Variants in PCDHB15 observed in about 807,000 individuals in gnomAD.
PCDHB15 encodes protocadherin beta-15.
For missense variants in PCDHB15, 1,032 were observed against 991.7 expected (o/e 1.04, Z -0.55); for synonymous variants, 492 against 447.9 (o/e 1.10, Z -1.24).
Position 141,247,248 on chromosome 5 carries a change from A to G in PCDHB15, c.1670A>G (p.Asn557Ser). ...VRVLVLDAND[N>S]SPFVLYPLQN... ...GTGCTGGTGCTGGACGCCAACGACAACTCGCCCTTCGTGCTGTACCCGCTG... is the reference window on the plus strand; with the variant it reads ...GTGCTGGTGCTGGACGCCAACGACAGCTCGCCCTTCGTGCTGTACCCGCTG... The change falls in exon 1 of 1, where the codon AAC becomes AGC. Residue 557 changes from asparagine (N) to serine (S), a missense_variant. Transcript: ENST00000231173. 3 of 1,611,172 alleles carry G rather than the reference A, an allele frequency of 1.9e-6. No homozygotes were observed. Among genetic ancestry groups the G allele is most frequent in the South Asian group, 1.1e-5 (1 of 90,922 alleles).
In PCDHB15 at chr5:141,246,554, G is replaced by T; in HGVS notation, c.976G>T (p.Gly326Ter). Residue 326 changes from glycine to a stop codon, truncating the protein, a stop_gained, in exon 1 of 1, where the codon GGA becomes TGA. Transcript: ENST00000231173. LOFTEE classifies it low-confidence loss of function (END_TRUNC). ...AGATATAGAGGCATCTGATGGCGGG[G>T]GACTTTCTGGAAAATGCTCTGTCTC... ...DLDIEASDGG[G>*]LSGKCSVSVK... The T allele has an allele frequency of 6.2e-7, 1 of 1,614,114 alleles. No individual in the cohort carries two copies. Among genetic ancestry groups the T allele is most frequent in the East Asian group, 2.2e-5 (1 of 44,884 alleles).
chr5:141,247,500 T>C lies in PCDHB15; in HGVS notation c.1922T>C (p.Val641Ala), dbSNP rs782358244. The C allele has an allele frequency of 4.1e-5, 66 of 1,608,792 alleles. No homozygotes were observed. Among genetic ancestry groups the C allele is most frequent in the Non-Finnish European group, 5.2e-5 (61 of 1,179,734 alleles). Reference sequence around the variant, plus strand: ...CGCGACGTGGCCAAGCACAGGCTAGTGGTGCTGGTCAAGGACAATGGCGAG... The same window carrying C: ...CGCGACGTGGCCAAGCACAGGCTAGCGGTGCTGGTCAAGGACAATGGCGAG... ...SERDVAKHRL[V>A]VLVKDNGEPP... is the part of the protein sequence containing the mutation. The change falls in exon 1 of 1, where the codon GTG becomes GCG. Residue 641 changes from valine (V) to alanine (A), a missense_variant. Physicochemically the swap from Val to Ala is moderately conservative, Grantham distance 64. Transcript: ENST00000231173.
In PCDHB15 at chr5:141,247,915, T is replaced by C. The variant is rs868945019; in HGVS notation, c.2337T>C (p.Ser779=). The change falls in exon 1 of 1, where the codon TCT becomes TCC. Residue 779 remains serine (S), a synonymous_variant. Transcript: ENST00000231173. ...PIFPNIVSQD[S]RRKSEFLE ...TCCCAAATATTGTAAGCCAGGACTC[T>C]AGGAGGAAATCAGAATTTCTAGAAT... 3 of 1,606,100 alleles carry C rather than the reference T, an allele frequency of 1.9e-6. No homozygotes were observed. In the East Asian group the frequency reaches 6.7e-5, roughly 36 times the overall value.
chr5:141,246,171 CAG>C lies in PCDHB15; in HGVS notation c.595_596del (p.Glu199ThrfsTer38). The C allele has an allele frequency of 6.2e-7, 1 of 1,614,228 alleles. No individual in the cohort carries two copies. The stretch of plus-strand genomic sequence containing the variant: ...AAATACCCAGAGCTGGTGCTGGACA[CAG>C]AACTGGATCGCGAGGAGCAGGCCGA... On this transcript the variant is annotated frameshift_variant, in exon 1 of 1. Coordinates refer to ENST00000231173, the MANE Select transcript of PCDHB15 (RefSeq NM_018935.4). LOFTEE classifies it low-confidence loss of function (END_TRUNC).
chr5:141,246,907 C>G lies in PCDHB15; in HGVS notation c.1329C>G (p.Asp443Glu). ...TEQSITVLVS[D>E]VNDNAPAFTQ... ...AGAGCATAACCGTGCTGGTGTCGGA[C>G]GTCAATGACAACGCCCCCGCCTTCA... Residue 443 changes from aspartate to glutamate, a missense_variant, in exon 1 of 1, where the codon GAC (aspartate) becomes GAG (glutamate). Transcript: ENST00000231173. 6.2e-7 allele frequency: 1 copy of G among 1,613,774 alleles called. No individual in the cohort carries two copies. Among genetic ancestry groups the G allele is most frequent in the East Asian group, 2.2e-5 (1 of 44,864 alleles).
Position 141,245,505 on chromosome 5 carries a change from A to T in PCDHB15, c.-74A>T. Reference sequence around the variant, plus strand: ...CAGGTTATCAACGCACAGATCGATCACTGCCTCTGTCCCATCGCTCCCTGA... The same window carrying T: ...CAGGTTATCAACGCACAGATCGATCTCTGCCTCTGTCCCATCGCTCCCTGA... On this transcript the variant is annotated 5_prime_UTR_variant, in exon 1 of 1. Transcript: ENST00000231173. 7.7e-7 allele frequency: 1 copy of T among 1,294,334 alleles called. No homozygotes were observed. Among genetic ancestry groups the T allele is most frequent in the Non-Finnish European group, 1.1e-6 (1 of 918,276 alleles). 80.2% of individuals were successfully genotyped at this position (1,294,334 alleles called of 1,614,324 possible).
chr5:141,247,879 G>A lies in PCDHB15; in HGVS notation c.2301G>A (p.Leu767=). ...CTGAAAGTAATGATTTCAAGTTCTT[G>A]AAGCCTATATTCCCAAATATTGTAA... is the stretch of plus-strand genomic sequence containing the variant. ...GGSESNDFKF[L]KPIFPNIVSQ... is the part of the protein sequence containing the mutation. The change falls in exon 1 of 1, where the codon TTG becomes TTA. Residue 767 remains leucine (L), a synonymous_variant. Transcript: ENST00000231173. The A allele has an allele frequency of 6.2e-6, 10 of 1,614,232 alleles. No individual in the cohort carries two copies. Among genetic ancestry groups the A allele is most frequent in the Non-Finnish European group, 8.5e-6 (10 of 1,180,042 alleles).
In PCDHB15 at chr5:141,247,176, C is replaced by T; in HGVS notation, c.1598C>T (p.Ala533Val). 1 of 1,613,258 alleles carries T rather than the reference C, an allele frequency of 6.2e-7. No homozygotes were observed. Among genetic ancestry groups the T allele is most frequent in the Non-Finnish European group, 8.5e-7 (1 of 1,179,830 alleles). ...CAGGCTTTCGAGTTCCGCGTGGGCG[C>T]CACAGACCGCGGCTTCCCGGCGCTG... ...ALQAFEFRVG[A>V]TDRGFPALSS... Residue 533 changes from alanine to valine, a missense_variant, in exon 1 of 1, where the codon GCC (alanine) becomes GTC (valine). By Grantham distance (64) the Ala-to-Val change is moderately conservative (BLOSUM62 0). Coordinates refer to ENST00000231173, the MANE Select transcript of PCDHB15 (RefSeq NM_018935.4).
chr5:141,247,579 TCAGCCCTACCTGCCGCTCC>T lies in PCDHB15; in HGVS notation c.2005_2023del (p.Pro669ArgfsTer65), dbSNP rs782484891. 4.3e-6 allele frequency: 7 copies of T among 1,609,554 alleles called. No individual in the cohort carries two copies. The highest frequency in any genetic ancestry group is 5.9e-6 in the Non-Finnish European group (7 of 1,179,768). ...AAGTGCTCCTGGTGGACGGCTTCTC[TCAGCCCTACCTGCCGCTCC>T]CAGAGGCGGCCCCGGCCCAAGCCCA... On this transcript the variant is annotated frameshift_variant, in exon 1 of 1. Coordinates refer to ENST00000231173, the MANE Select transcript of PCDHB15 (RefSeq NM_018935.4). LOFTEE classifies it low-confidence loss of function (END_TRUNC).
rs1588410277 is a variant in PCDHB15 at position 141,245,408 on chromosome 5, C to T, written c.-171C>T. Reference sequence around the variant, plus strand: ...ACTAGCTACTTCAGACCTCTTTCAGCCTAAGAGGAAAGCCTGTTAGCAGAG... The same window carrying T: ...ACTAGCTACTTCAGACCTCTTTCAGTCTAAGAGGAAAGCCTGTTAGCAGAG... On this transcript the variant is annotated 5_prime_UTR_variant, in exon 1 of 1. Coordinates refer to ENST00000231173, the MANE Select transcript of PCDHB15 (RefSeq NM_018935.4). 3.3e-6 allele frequency: 2 copies of T among 606,692 alleles called. No individual in the cohort carries two copies. Among genetic ancestry groups the T allele is most frequent in the African/African-American group, 1.8e-5 (1 of 54,326 alleles). 37.6% of individuals were successfully genotyped at this position (606,692 alleles called of 1,614,324 possible).
In PCDHB15 at chr5:141,247,451, C is replaced by A. The variant is rs782687959; in HGVS notation, c.1873C>A (p.Arg625Ser). 3.7e-6 allele frequency: 6 copies of A among 1,607,354 alleles called. No individual in the cohort carries two copies. Among genetic ancestry groups the A allele is most frequent in the South Asian group, 1.1e-5 (1 of 90,974 alleles). Residue 625 changes from arginine (R) to serine (S), a missense_variant, in exon 1 of 1, where the codon CGC (arginine) becomes AGC (serine). Transcript: ENST00000231173. ...FGVWAHNGEV[R>S]TARLLSERDV... ...CGTGTGGGCGCACAATGGCGAGGTG[C>A]GCACCGCCAGGCTGCTGAGCGAGCG...
At position 141,246,535 on chromosome 5, in the gene PCDHB15, A is replaced by G; in HGVS notation, c.957A>G (p.Ile319Met). ...CAATGTCTTCGTATGATCTAGATAT[A>G]GAGGCATCTGATGGCGGGGGACTTT... ...FETMSSYDLD[I>M]EASDGGGLSG... Residue 319 changes from isoleucine (I) to methionine (M), a missense_variant, in exon 1 of 1, where the codon ATA becomes ATG. By Grantham distance (10) the Ile-to-Met change is conservative (BLOSUM62 1). Transcript: ENST00000231173. The G allele has an allele frequency of 6.2e-7, 1 of 1,614,182 alleles. No individual in the cohort carries two copies. The highest frequency in any genetic ancestry group is 8.5e-7 in the Non-Finnish European group (1 of 1,180,012).
chr5:141,245,659 C>T lies in PCDHB15; in HGVS notation c.81C>T (p.Gly27=). The T allele has an allele frequency of 6.2e-7, 1 of 1,614,198 alleles. No individual in the cohort carries two copies. ...LLLLLEVTLA[G]WEPRRYSVME... ...TTTTACTGGAAGTGACTCTGGCAGG[C>T]TGGGAACCCCGTCGCTATTCTGTGA... Residue 27 remains glycine, a synonymous_variant, in exon 1 of 1, where the codon GGC becomes GGT. Transcript: ENST00000231173.
In PCDHB15 at chr5:141,247,097, A is replaced by T. The variant is rs782803381; in HGVS notation, c.1519A>T (p.Asn507Tyr). ...HLPLTSLVSI[N>Y]TDNGHLFALQ... ...GCCCCTCACCTCCCTGGTCTCCATT[A>T]ACACGGACAACGGCCACCTGTTCGC... The change falls in exon 1 of 1, where the codon AAC becomes TAC. Residue 507 changes from asparagine (N) to tyrosine (Y), a missense_variant. Coordinates refer to ENST00000231173, the MANE Select transcript of PCDHB15 (RefSeq NM_018935.4). The T allele has an allele frequency of 1.2e-6, 2 of 1,613,968 alleles. No individual in the cohort carries two copies. The highest frequency in any genetic ancestry group is 1.7e-6 in the Non-Finnish European group (2 of 1,179,978).
rs782225848 is a variant in PCDHB15 at position 141,246,949 on chromosome 5, C to T, written c.1371C>T (p.Thr457=). ...CCGCCTTCACCCAAACCTCCTACAC[C>T]CTGTTCGTCCGCGAGAACAACAGCC... The part of the protein sequence containing the change: ...NAPAFTQTSY[T]LFVRENNSPA... The change falls in exon 1 of 1, where the codon ACC becomes ACT. Residue 457 remains threonine, a synonymous_variant. Coordinates refer to ENST00000231173, the MANE Select transcript of PCDHB15 (RefSeq NM_018935.4). 1.8e-5 allele frequency: 29 copies of T among 1,613,438 alleles called. 1 individual carries two copies. The African/African-American group carries it at 2.9e-4, about 16-fold the overall frequency.
In PCDHB15 at chr5:141,245,931, G is replaced by C. The variant is rs146774238; in HGVS notation, c.353G>C (p.Arg118Pro). Reference sequence around the variant, plus strand: ...CTGAAAAAACCTTTGGAAGTATTTCGAGCTGAACTACTAGTGACAGACATA... The same window carrying C: ...CTGAAAAAACCTTTGGAAGTATTTCCAGCTGAACTACTAGTGACAGACATA... Reference protein sequence around the residue: ...VLLKKPLEVFRAELLVTDIND... With the variant: ...VLLKKPLEVFPAELLVTDIND... Residue 118 changes from arginine to proline, a missense_variant, in exon 1 of 1, where the codon CGA becomes CCA. By Grantham distance (103) the Arg-to-Pro change is moderately radical (BLOSUM62 -2). Coordinates refer to ENST00000231173, the MANE Select transcript of PCDHB15 (RefSeq NM_018935.4). 80 of 1,613,946 alleles carry C rather than the reference G, an allele frequency of 5.0e-5. No individual in the cohort carries two copies. The highest frequency in any genetic ancestry group is 6.5e-5 in the Non-Finnish European group (77 of 1,179,994).
At position 141,247,148 on chromosome 5, in the gene PCDHB15, C is replaced by G; in HGVS notation, c.1570C>G (p.Leu524Val). Residue 524 changes from leucine to valine, a missense_variant, in exon 1 of 1, where the codon CTG becomes GTG. Coordinates refer to ENST00000231173, the MANE Select transcript of PCDHB15 (RefSeq NM_018935.4). Reference sequence around the variant, plus strand: ...TCTCCAGTCGCTGGACTACGAGGCCCTGCAGGCTTTCGAGTTCCGCGTGGG... The same window carrying G: ...TCTCCAGTCGCTGGACTACGAGGCCGTGCAGGCTTTCGAGTTCCGCGTGGG... Reference protein sequence around the residue: ...FALQSLDYEALQAFEFRVGAT... With the variant: ...FALQSLDYEAVQAFEFRVGAT... The G allele has an allele frequency of 6.2e-7, 1 of 1,613,842 alleles. No individual in the cohort carries two copies. The highest frequency in any genetic ancestry group is 1.1e-5 in the South Asian group (1 of 91,066).
rs782181903 is a variant in PCDHB15, at chr5:141,247,324, G to A, written c.1746G>A (p.Pro582=). 2.6e-5 allele frequency: 41 copies of A among 1,607,572 alleles called. No individual in the cohort carries two copies. In the African/African-American group the frequency reaches 5.2e-4, roughly 20 times the overall value. ...AGCTGGTGCCCCGGGCGGCCGAGCC[G>A]GGCTACCTGGTGACCAAGGTGGTGG... The part of the protein sequence containing the change: ...CTELVPRAAE[P]GYLVTKVVAV... Residue 582 remains proline (P), a synonymous_variant, in exon 1 of 1, where the codon CCG becomes CCA. Coordinates refer to ENST00000231173, the MANE Select transcript of PCDHB15 (RefSeq NM_018935.4).
rs782399044 is a variant in PCDHB15 at position 141,245,834 on chromosome 5, T to C, written c.256T>C (p.Leu86=). The change falls in exon 1 of 1, where the codon TTA becomes CTA. Residue 86 remains leucine (L), a synonymous_variant. Transcript: ENST00000231173. ...TGATCTGCAGACCGGGCAGTTGATATTAAATGAGAAGCTGGACCGGGAGAA... is the reference window on the plus strand; with the variant it reads ...TGATCTGCAGACCGGGCAGTTGATACTAAATGAGAAGCTGGACCGGGAGAA... ...QLDLQTGQLI[L]NEKLDREKLC... The C allele has an allele frequency of 5.7e-5, 92 of 1,614,084 alleles. No homozygotes were observed. The highest frequency in any genetic ancestry group is 7.3e-5 in the Non-Finnish European group (86 of 1,180,050).
Sources: allele counts gnomAD v4.1 joint callset, GRCh38; gene constraint gnomAD v4.1.1; transcripts MANE v1.5; gene names NCBI Gene and HGNC (gene_info 2026-07-23, HGNC 2026-07-21).